LCE3D: variants seen among roughly 807,000 people sequenced by gnomAD.
The protein encoded by LCE3D is late cornified envelope 3D.
For synonymous variants in LCE3D, 46 were observed against 47.3 expected (o/e 0.97, Z 0.11); for missense variants, 124 against 121.1 (o/e 1.02, Z -0.11).
intron 1 of LCE3D, 28 bp from the exon 2 acceptor site, chr1:152,579,985 C>A (rs4845313): frequency 0.27 from 430,852 of 1,612,826 alleles, 60,576 homozygotes; most frequent in South Asian, 0.35. Flanking sequence ...ATTTGTTAGT[C>A]CAAAATCTAC....
In LCE3D at chr1:152,579,785, C is replaced by T; in HGVS notation, c.152G>A (p.Gly51Asp). 6.2e-7 allele frequency: 1 copy of T among 1,613,862 alleles called. No homozygotes were observed. The highest frequency in any genetic ancestry group is 8.5e-7 in the Non-Finnish European group (1 of 1,180,036). ...SGGCGPSSEG[G>D]CFLNHHRRHH... ...GCGCCTGTGGTGGTTCAGGAAGCAG[C>T]CGCCCTCGGAGCTAGGGCCACAGCC... Residue 51 changes from glycine to aspartate, a missense_variant, in exon 2 of 2, where the codon GGC (glycine) becomes GAC (aspartate). By Grantham distance (94) the Gly-to-Asp change is moderately conservative (BLOSUM62 -1). Coordinates refer to ENST00000368787, the MANE Select transcript of LCE3D (RefSeq NM_032563.2).
rs137868314 is a variant in LCE3D, at chr1:152,579,716, C to A, written c.221G>T (p.Gly74Val). ...RRQRPNSCDRGSGQQGGGSGC... is the reference protein window; with the variant it reads ...RRQRPNSCDRVSGQQGGGSGC... ...AGAGCCCCCGCCTTGCTGACCACTG[C>A]CCCTGTCACAGGAGTTGGGCCTCTG... Residue 74 changes from glycine to valine, a missense_variant, in exon 2 of 2, where the codon GGC becomes GTC. Physicochemically the swap from Gly to Val is moderately radical, Grantham distance 109. Coordinates refer to ENST00000368787, the MANE Select transcript of LCE3D (RefSeq NM_032563.2). 5.6e-5 allele frequency: 90 copies of A among 1,613,886 alleles called. 1 individual carries two copies. In the African/African-American group the frequency reaches 1.1e-3, roughly 19 times the overall value.
chr1:152,579,743 C>T lies in LCE3D; in HGVS notation c.194G>A (p.Arg65His), dbSNP rs775921101. 44 of 1,613,680 alleles carry T rather than the reference C, an allele frequency of 2.7e-5. No individual in the cohort carries two copies. The highest frequency in any genetic ancestry group is 1.6e-4 in the Middle Eastern group (1 of 6,082). ...CCTGTCACAGGAGTTGGGCCTCTGG[C>T]GCCGGCATCGGTGGTGGCGCCTGTG... ...NHHRRHHRCRRQRPNSCDRGS... is the reference protein window; with the variant it reads ...NHHRRHHRCRHQRPNSCDRGS... Residue 65 changes from arginine (R) to histidine (H), a missense_variant, in exon 2 of 2, where the codon CGC becomes CAC. By Grantham distance (29) the Arg-to-His change is conservative. Coordinates refer to ENST00000368787, the MANE Select transcript of LCE3D (RefSeq NM_032563.2).
rs767733742 is a variant in LCE3D at position 152,579,779 on chromosome 1, A to C, written c.158T>G (p.Phe53Cys). ...GCGPSSEGGC[F>C]LNHHRRHHRC... ...GTGGTGGCGCCTGTGGTGGTTCAGG[A>C]AGCAGCCGCCCTCGGAGCTAGGGCC... The change falls in exon 2 of 2, where the codon TTC becomes TGC. Residue 53 changes from phenylalanine to cysteine, a missense_variant. By Grantham distance (205) the Phe-to-Cys change is radical (BLOSUM62 -2). Coordinates refer to ENST00000368787, the MANE Select transcript of LCE3D (RefSeq NM_032563.2). 6 of 1,613,636 alleles carry C rather than the reference A, an allele frequency of 3.7e-6. No homozygotes were observed. The highest frequency in any genetic ancestry group is 5.1e-6 in the Non-Finnish European group (6 of 1,180,014).
Position 152,579,963 on chromosome 1 carries a change from C to A in LCE3D, c.-21-6G>T. On this transcript the variant is annotated splice_polypyrimidine_tract_variant and splice_region_variant and intron_variant, in intron 1 of 1. Coordinates refer to ENST00000368787, the MANE Select transcript of LCE3D (RefSeq NM_032563.2). Reference sequence around the variant, plus strand: ...TTGGCAGGAGTTGAGTTGTCCTGGACAAAACAAAGCCATTTGTTAGTCCAA... The same window carrying A: ...TTGGCAGGAGTTGAGTTGTCCTGGAAAAAACAAAGCCATTTGTTAGTCCAA... 2 of 1,613,798 alleles carry A rather than the reference C, an allele frequency of 1.2e-6. No individual in the cohort carries two copies. The highest frequency in any genetic ancestry group is 1.7e-6 in the Non-Finnish European group (2 of 1,180,020).
At chr1:152,580,039 G>T (rs1660189437) in intron 1 of LCE3D, 82 bp from the exon 2 acceptor site, 4 of 1,546,292 alleles carry the variant, frequency 2.6e-6, no homozygotes, top group South Asian at 1.2e-5. Flanking sequence ...GGCAAGAGCT[G>T]CAGGAAGGTG....
Position 152,579,725 on chromosome 1 carries a change from C to T in LCE3D, c.212G>A (p.Cys71Tyr), listed in dbSNP as rs1202778760. The T allele has an allele frequency of 1.2e-6, 2 of 1,613,780 alleles. No individual in the cohort carries two copies. Among genetic ancestry groups the T allele is most frequent in the Non-Finnish European group, 1.7e-6 (2 of 1,180,052 alleles). Reference sequence around the variant, plus strand: ...GCCTTGCTGACCACTGCCCCTGTCACAGGAGTTGGGCCTCTGGCGCCGGCA... The same window carrying T: ...GCCTTGCTGACCACTGCCCCTGTCATAGGAGTTGGGCCTCTGGCGCCGGCA... ...HRCRRQRPNS[C>Y]DRGSGQQGGG... Residue 71 changes from cysteine (C) to tyrosine (Y), a missense_variant, in exon 2 of 2, where the codon TGT (cysteine) becomes TAT (tyrosine). By Grantham distance (194) the Cys-to-Tyr change is radical (BLOSUM62 -2). Transcript: ENST00000368787.
chr1:152,579,736 C>T lies in LCE3D; in HGVS notation c.201G>A (p.Arg67=), dbSNP rs563491020. 7 of 1,613,830 alleles carry T rather than the reference C, an allele frequency of 4.3e-6. No individual in the cohort carries two copies. In the East Asian group the frequency reaches 8.9e-5, roughly 21 times the overall value. Residue 67 remains arginine, a synonymous_variant, in exon 2 of 2, where the codon AGG becomes AGA. Transcript: ENST00000368787. ...CACTGCCCCTGTCACAGGAGTTGGG[C>T]CTCTGGCGCCGGCATCGGTGGTGGC... ...HRRHHRCRRQ[R]PNSCDRGSGQ... is the part of the protein sequence containing the mutation.
At position 152,579,621 on chromosome 1, in the gene LCE3D, T is replaced by A; in HGVS notation, c.*37A>T. ...TTCCTGGGCCCTTGGGATTCTTGTT[T>A]CCTCCAAAATCGCTTGTCTCAGCAT... is the stretch of plus-strand genomic sequence containing the variant. On this transcript the variant is annotated 3_prime_UTR_variant, in exon 2 of 2. Coordinates refer to ENST00000368787, the MANE Select transcript of LCE3D (RefSeq NM_032563.2). 1 of 1,613,040 alleles carries A rather than the reference T, an allele frequency of 6.2e-7. No homozygotes were observed. The highest frequency in any genetic ancestry group is 8.5e-7 in the Non-Finnish European group (1 of 1,179,846).
Position 152,579,748 on chromosome 1 carries a change from G to T in LCE3D, c.189C>A (p.Cys63Ter). Reference protein sequence around the residue: ...FLNHHRRHHRCRRQRPNSCDR... With the variant: ...FLNHHRRHHR ...CACAGGAGTTGGGCCTCTGGCGCCG[G>T]CATCGGTGGTGGCGCCTGTGGTGGT... Residue 63 changes from cysteine to a stop codon, truncating the protein, a stop_gained, in exon 2 of 2, where the codon TGC (cysteine) becomes TGA (stop). Coordinates refer to ENST00000368787, the MANE Select transcript of LCE3D (RefSeq NM_032563.2). LOFTEE classifies it low-confidence loss of function (END_TRUNC). 1 of 1,613,862 alleles carries T rather than the reference G, an allele frequency of 6.2e-7. No homozygotes were observed. The highest frequency in any genetic ancestry group is 8.5e-7 in the Non-Finnish European group (1 of 1,180,038).
chr1:152,579,679 A>G lies in LCE3D; in HGVS notation c.258T>C (p.His86=), dbSNP rs1438686862. The change falls in exon 2 of 2, where the codon CAT becomes CAC. Residue 86 remains histidine, a synonymous_variant. Coordinates refer to ENST00000368787, the MANE Select transcript of LCE3D (RefSeq NM_032563.2). ...CAGGTCAGCAGCAGCCTCCAGAGCC[A>G]TGGCCGCAGCCAGAGCCCCCGCCTT... is the stretch of plus-strand genomic sequence containing the variant. ...GQQGGGSGCG[H]GSGGCC 1.2e-6 allele frequency: 2 copies of G among 1,613,810 alleles called. No homozygotes were observed. The highest frequency in any genetic ancestry group is 2.2e-5 in the East Asian group (1 of 44,872).
rs1660176591 is a variant in LCE3D, at chr1:152,579,598, C to T, written c.*60G>A. On this transcript the variant is annotated 3_prime_UTR_variant, in exon 2 of 2. Transcript: ENST00000368787. Reference sequence around the variant, plus strand: ...AACTCATGCATCAAGATGGGGTTTTCCTGGGCCCTTGGGATTCTTGTTTCC... The same window carrying T: ...AACTCATGCATCAAGATGGGGTTTTTCTGGGCCCTTGGGATTCTTGTTTCC... 7 of 1,609,136 alleles carry T rather than the reference C, an allele frequency of 4.4e-6. No individual in the cohort carries two copies. The highest frequency in any genetic ancestry group is 1.7e-5 in the Admixed American group (1 of 58,602).
chr1:152,580,075 G>T, intron 1 of LCE3D, 118 bp from the exon 2 acceptor site: 1 of 1,238,634 alleles, frequency 8.1e-7, no homozygotes, highest in Non-Finnish European at 1.1e-6. Flanking sequence ...GAGTTGGTGG[G>T]ACATGCCAGA....
In LCE3D at chr1:152,579,744, GC is replaced by G. The variant is rs756369176; in HGVS notation, c.192del (p.Arg65AlafsTer56). On this transcript the variant is annotated frameshift_variant, in exon 2 of 2. Coordinates refer to ENST00000368787, the MANE Select transcript of LCE3D (RefSeq NM_032563.2). LOFTEE classifies it low-confidence loss of function (END_TRUNC). ...LNHHRRHHRC[R>X]RQRPNSCDRG... is the part of the protein sequence containing the mutation. Reference sequence around the variant, plus strand: ...CTGTCACAGGAGTTGGGCCTCTGGCGCCGGCATCGGTGGTGGCGCCTGTGGT... The same window carrying G: ...CTGTCACAGGAGTTGGGCCTCTGGCGCGGCATCGGTGGTGGCGCCTGTGGT... 7.4e-6 allele frequency: 12 copies of G among 1,613,820 alleles called. No homozygotes were observed. Among genetic ancestry groups the G allele is most frequent in the Non-Finnish European group, 1.0e-5 (12 of 1,180,026 alleles).
rs760165895 is a variant in LCE3D, at chr1:152,579,959, T to G, written c.-21-2A>C. 7.4e-6 allele frequency: 12 copies of G among 1,613,746 alleles called. No individual in the cohort carries two copies. The highest frequency in any genetic ancestry group is 9.3e-6 in the Non-Finnish European group (11 of 1,180,034). ...CATCTTGGCAGGAGTTGAGTTGTCCTGGACAAAACAAAGCCATTTGTTAGT... is the reference window on the plus strand; with the variant it reads ...CATCTTGGCAGGAGTTGAGTTGTCCGGGACAAAACAAAGCCATTTGTTAGT... On this transcript the variant is annotated splice_acceptor_variant, in intron 1 of 1. Transcript: ENST00000368787. LOFTEE classifies it low-confidence loss of function (5UTR_SPLICE).
rs1423805176 is a variant in LCE3D at position 152,579,640 on chromosome 1, T to C, written c.*18A>G. ...CTTGTTTCCTCCAAAATCGCTTGTCTCAGCATCAGGATCCAGGTCAGCAGC... is the reference window on the plus strand; with the variant it reads ...CTTGTTTCCTCCAAAATCGCTTGTCCCAGCATCAGGATCCAGGTCAGCAGC... On this transcript the variant is annotated 3_prime_UTR_variant, in exon 2 of 2. Coordinates refer to ENST00000368787, the MANE Select transcript of LCE3D (RefSeq NM_032563.2). 6.2e-7 allele frequency: 1 copy of C among 1,613,442 alleles called. No homozygotes were observed. The highest frequency in any genetic ancestry group is 2.2e-5 in the East Asian group (1 of 44,886).
rs184447251 is a variant in LCE3D at position 152,579,606 on chromosome 1, C to G, written c.*52G>C. ...CATCAAGATGGGGTTTTCCTGGGCC[C>G]TTGGGATTCTTGTTTCCTCCAAAAT... On this transcript the variant is annotated 3_prime_UTR_variant, in exon 2 of 2. Transcript: ENST00000368787. 258 of 1,611,706 alleles carry G rather than the reference C, an allele frequency of 1.6e-4. 1 individual carries two copies. The African/African-American group carries it at 3.1e-3, about 20-fold the overall frequency.
In LCE3D at chr1:152,579,937, C is replaced by T; in HGVS notation, c.-1G>A. The T allele has an allele frequency of 6.2e-7, 1 of 1,613,886 alleles. No individual in the cohort carries two copies. Among genetic ancestry groups the T allele is most frequent in the Non-Finnish European group, 8.5e-7 (1 of 1,180,044 alleles). On this transcript the variant is annotated 5_prime_UTR_variant, in exon 2 of 2. Coordinates refer to ENST00000368787, the MANE Select transcript of LCE3D (RefSeq NM_032563.2). ...GCTGCTGGTTCTGCTGGCAGGACAT[C>T]TTGGCAGGAGTTGAGTTGTCCTGGA...
intron 1 of LCE3D, 143 bp from the exon 2 acceptor site, chr1:152,580,100 T>C (rs1424871374): frequency 5.1e-6 from 5 of 978,664 alleles, no homozygotes; most frequent in Non-Finnish European, 7.6e-6. Flanking sequence ...TCTCACTTTG[T>C]TCTCCACCAG....
Sources: allele counts gnomAD v4.1 joint callset, GRCh38; gene constraint gnomAD v4.1.1; transcripts MANE v1.5; gene names NCBI Gene and HGNC (gene_info 2026-07-23, HGNC 2026-07-21).